Variants in DUOX2 observed in about 807,000 individuals in gnomAD.
The protein encoded by DUOX2 is NADH/NADPH thyroid oxidase p138-tox.
DUOX2 carries 185 observed loss-of-function variants against 183.3 expected under a neutral mutation model. That is an observed-to-expected ratio of 1.01 (90% confidence interval 0.90 to 1.14). The LOEUF is 1.14. DUOX2 is among the 50% of genes most tolerant of loss of function. The probability of loss-of-function intolerance (pLI) is 0.00; values close to 1 mark genes in which losing one functional copy is unlikely to be tolerated. For synonymous variants in DUOX2, 788 were observed against 812.4 expected, an observed-to-expected ratio of 0.97 and a Z score of 0.51; for missense variants, 1,999 against 2,022.9, an observed-to-expected ratio of 0.99 and a Z score of 0.23.
In DUOX2 at chr15:45,095,870, G is replaced by A. The variant is rs1893887080; in HGVS notation, c.4038C>T (p.Ile1346=). ...AGCCATTGCCCTTTGGGGATGAGTAGATCTCCCTGAGGCGAGTGGTCCAGG... is the reference window on the plus strand; with the variant it reads ...AGCCATTGCCCTTTGGGGATGAGTAAATCTCCCTGAGGCGAGTGGTCCAGG... ...VGPWTTRLRE[I]YSSPKGNGCA... The change falls in exon 30 of 34, where the codon ATC becomes ATT. Residue 1346 remains isoleucine (I), a synonymous_variant. Transcript: ENST00000389039. 11 of 1,614,100 alleles carry A rather than the reference G, an allele frequency of 6.8e-6. No individual in the cohort carries two copies. Among genetic ancestry groups the A allele is most frequent in the Non-Finnish European group, 9.3e-6 (11 of 1,179,996 alleles).
Position 45,109,928 on chromosome 15 carries a change from G to C in DUOX2, c.1093C>G (p.Gln365Glu). ...TAGTTGTTGCAGACCCTGAGAGCTT[G>C]GGAGCTTTGAAAACCCTTGTTCAGG... ...KVLNKGFQSS[Q>E]ALRVCNNYWI... Residue 365 changes from glutamine to glutamate, a missense_variant, in exon 10 of 34, where the codon CAA (glutamine) becomes GAA (glutamate). By Grantham distance (29) the Gln-to-Glu change is conservative (BLOSUM62 2). This residue lies in a region of DUOX2 where 1,628 missense variants were observed against 1,608.6 expected (regional missense o/e 1.01). Coordinates refer to ENST00000389039, the MANE Select transcript of DUOX2 (RefSeq NM_001363711.2). 2 of 1,614,118 alleles carry C rather than the reference G, an allele frequency of 1.2e-6. No homozygotes were observed. Among genetic ancestry groups the C allele is most frequent in the Non-Finnish European group, 8.5e-7 (1 of 1,180,030 alleles).
intron 29 of DUOX2, among the ~76,000 whole-genome samples, chr15:45,096,734 A>AT (rs1893910946): frequency 6.6e-6 from 1 of 152,230 alleles, no homozygotes; most frequent in African/African-American, 2.4e-5. Context: ...AATGAGATTA[A>AT]TTTTTTTACA....
At chr15:45,094,902 G>T in intron 32 of DUOX2, 34 bp downstream of exon 32, 1 of 1,612,282 alleles carries the variant, frequency 6.2e-7, no homozygotes, top group Non-Finnish European at 8.5e-7. Flanking sequence ...CCATCTGCCC[G>T]CCAAGTTGCC....
rs377189285 is a variant in DUOX2 at position 45,097,651 on chromosome 15, C to G, written c.3656G>C (p.Trp1219Ser). Residue 1219 changes from tryptophan to serine, a missense_variant, in exon 28 of 34, where the codon TGG becomes TCG. Trp to Ser is a radical substitution (Grantham distance 177). Coordinates refer to ENST00000389039, the MANE Select transcript of DUOX2 (RefSeq NM_001363711.2). ...CAGGATGTAGAGGTGGTGGGTCAGC[C>G]AGAAGCCCCGGAAGCTGCGGCGGCG... ...HFRRRSFRGF[W>S]LTHHLYILLY... 6 of 1,614,118 alleles carry G rather than the reference C, an allele frequency of 3.7e-6. No individual in the cohort carries two copies. In the African/African-American group the frequency reaches 5.3e-5, roughly 14 times the overall value.
rs1295477430 is a variant in DUOX2, at chr15:45,106,655, G to T, written c.1832-14C>A. ...GAAGCAGACTCACTGAAGTGGATCAGAAGGAACAGTGAGGAGGGAGCCCCT... is the reference window on the plus strand; with the variant it reads ...GAAGCAGACTCACTGAAGTGGATCATAAGGAACAGTGAGGAGGGAGCCCCT... On this transcript the variant is annotated splice_polypyrimidine_tract_variant and intron_variant, in intron 15 of 33. Transcript: ENST00000389039. 1 of 1,613,882 alleles carries T rather than the reference G, an allele frequency of 6.2e-7. No homozygotes were observed. Among genetic ancestry groups the T allele is most frequent in the Non-Finnish European group, 8.5e-7 (1 of 1,179,740 alleles).
At chr15:45,107,182 G>A (rs1469293506) in intron 14 of DUOX2, among the ~76,000 whole-genome samples, 163 bp downstream of exon 14, 1 of 152,178 alleles carries the variant, frequency 6.6e-6, no homozygotes, top group East Asian at 1.9e-4. Flanking sequence ...TAGCTTGTGT[G>A]CTAGTTGAGG....
rs139688032 is a variant in DUOX2, at chr15:45,106,637, A to G, written c.1836T>C (p.Ser612=). The change falls in exon 16 of 34, where the codon AGT becomes AGC. Residue 612 remains serine, a synonymous_variant. Coordinates refer to ENST00000389039, the MANE Select transcript of DUOX2 (RefSeq NM_001363711.2). ...IIALCCLPLV[S]LLLSGVVAYF... ...AGGCCACCACTCCAGAGAGAAGCAG[A>G]CTCACTGAAGTGGATCAGAAGGAAC... 211 of 1,613,956 alleles carry G rather than the reference A, an allele frequency of 1.3e-4. No homozygotes were observed. The highest frequency in any genetic ancestry group is 8.8e-4 in the Admixed American group (53 of 59,998).
Position 45,094,566 on chromosome 15 carries a change from T to G in DUOX2, c.4521A>C (p.Pro1507=). The change falls in exon 33 of 34, where the codon CCA becomes CCC. Residue 1507 remains proline, a synonymous_variant. Coordinates refer to ENST00000389039, the MANE Select transcript of DUOX2 (RefSeq NM_001363711.2). ...GGTGGGAGGGAGTGGGACTGACCTG[T>G]GGGTGGACCTCCTGCAGGGAGTTGA... The part of the protein sequence containing the change: ...PFFNSLQEVH[P]QVRKIGVFSC... The G allele has an allele frequency of 1.9e-6, 3 of 1,613,060 alleles. No homozygotes were observed. Among genetic ancestry groups the G allele is most frequent in the Non-Finnish European group, 2.5e-6 (3 of 1,179,672 alleles).
At chr15:45,099,541 G>A (rs1894007429) in intron 25 of DUOX2, 59 bp from the exon 26 acceptor site, 2 of 1,588,372 alleles carry the variant, frequency 1.3e-6, no homozygotes, top group East Asian at 4.5e-5. Context: ...CTCCGATCCT[G>A]AGGGAGAGAG....
rs754214422 is a variant in DUOX2 at position 45,098,061 on chromosome 15, G to T, written c.3516-3C>A. The T allele has an allele frequency of 9.9e-6, 16 of 1,613,788 alleles. No homozygotes were observed. In the Admixed American group the frequency reaches 2.3e-4, roughly 24 times the overall value. ...AGAACTTCTGGGGAAGCTTGGACCTGGGGGGCAAAGGCACCTTGAGCCTCT... is the reference window on the plus strand; with the variant it reads ...AGAACTTCTGGGGAAGCTTGGACCTTGGGGGCAAAGGCACCTTGAGCCTCT... On this transcript the variant is annotated splice_region_variant and splice_polypyrimidine_tract_variant and intron_variant, in intron 26 of 33. Coordinates refer to ENST00000389039, the MANE Select transcript of DUOX2 (RefSeq NM_001363711.2).
Position 45,099,732 on chromosome 15 carries a change from G to C in DUOX2, c.3345C>G (p.Asn1115Lys), listed in dbSNP as rs755622327. ...CTGCGGCATCAAAAGGCACATAGCG[G>C]TTGAGGAAAGTCTCTCGCAGGAAGG... is the stretch of plus-strand genomic sequence containing the variant. The part of the protein sequence containing the change: ...LITFLRETFL[N>K]RYVPFDAAVD... Residue 1115 changes from asparagine to lysine, a missense_variant, in exon 25 of 34, where the codon AAC becomes AAG. By Grantham distance (94) the Asn-to-Lys change is moderately conservative (BLOSUM62 0). Transcript: ENST00000389039. The C allele has an allele frequency of 5.6e-6, 9 of 1,614,208 alleles. No homozygotes were observed. Among genetic ancestry groups the C allele is most frequent in the Non-Finnish European group, 5.1e-6 (6 of 1,180,052 alleles).
In DUOX2 at chr15:45,111,096, G is replaced by A. The variant is rs1894382955; in HGVS notation, c.882+15C>T. 4.1e-6 allele frequency: 4 copies of A among 985,586 alleles called. No individual in the cohort carries two copies. The South Asian group carries it at 6.4e-5, about 16-fold the overall frequency. The allele number at this position is 985,586 out of a possible 1,614,324, so 61.1% of individuals were successfully genotyped here. ...CACGCGGAAGGGAGGACGTCGCGGG[G>A]CGCGGACGGCTGACCTGGTAGGTGG... On this transcript the variant is annotated intron_variant, in intron 7 of 33. Transcript: ENST00000389039.
intron 11 of DUOX2, 50 bp downstream of exon 11, chr15:45,109,474 C>T (rs1171413319): frequency 1.3e-6 from 2 of 1,569,870 alleles, no homozygotes; most frequent in Non-Finnish European, 8.8e-7. Context: ...CAGAGGGATC[C>T]TCAGGCTTCC....
At chr15:45,109,035 C>G in intron 11 of DUOX2, 83 bp from the exon 12 acceptor site, 1 of 1,551,406 alleles carries the variant, frequency 6.4e-7, no homozygotes, top group Non-Finnish European at 8.9e-7. Flanking sequence ...ACTATTGGCA[C>G]TACGGTTCTT....
Position 45,108,843 on chromosome 15 carries a change from A to G in DUOX2, c.1344T>C (p.Phe448=), listed in dbSNP as rs1272214718. 9.9e-6 allele frequency: 16 copies of G among 1,614,154 alleles called. No homozygotes were observed. The highest frequency in any genetic ancestry group is 1.2e-5 in the Non-Finnish European group (14 of 1,180,052). The change falls in exon 12 of 34, where the codon TTT becomes TTC. Residue 448 remains phenylalanine (F), a synonymous_variant. Transcript: ENST00000389039. ...TCCAGTTCCTTGGGATGTCCAGCCCAAAGGCCAGCAGGGCCTGGCTATAGC... is the reference window on the plus strand; with the variant it reads ...TCCAGTTCCTTGGGATGTCCAGCCCGAAGGCCAGCAGGGCCTGGCTATAGC... ...LPSYSQALLA[F]GLDIPRNWSD...
intron 20 of DUOX2, among the ~76,000 whole-genome samples, chr15:45,103,563 C>T (rs976598014): frequency 2.6e-5 from 4 of 152,124 alleles, no homozygotes; most frequent in African/African-American, 4.8e-5. Context: ...TGATGAATAG[C>T]GGAGCAGCAA....
chr15:45,100,267 C>T, intron 23 of DUOX2, 39 bp from the exon 24 acceptor site: 1 of 1,593,504 alleles, frequency 6.3e-7, no homozygotes, highest in South Asian at 1.1e-5. Flanking sequence ...GTGGTAAGGG[C>T]CCTCTGGCCT....
intron 21 of DUOX2, 37 bp downstream of exon 21, chr15:45,101,756 C>A (rs939069784): frequency 1.9e-6 from 3 of 1,613,880 alleles, no homozygotes; most frequent in Non-Finnish European, 2.5e-6. Context: ...AGGACACGCC[C>A]CCCCTCCCTG....
At position 45,111,370 on chromosome 15, in the gene DUOX2, C is replaced by T; in HGVS notation, c.715+14G>A. The T allele has an allele frequency of 7.0e-7, 1 of 1,434,202 alleles. No individual in the cohort carries two copies. The highest frequency in any genetic ancestry group is 2.8e-5 in the Admixed American group (1 of 35,574). 88.8% of individuals were successfully genotyped at this position (1,434,202 alleles called of 1,614,324 possible). ...AGACCCCCAGCCGGCCCCGTCCCGC[C>T]CCTGTGGCCTCACCGTACAGCCCCC... On this transcript the variant is annotated intron_variant, in intron 6 of 33. Coordinates refer to ENST00000389039, the MANE Select transcript of DUOX2 (RefSeq NM_001363711.2).
Sources: allele counts gnomAD v4.1 joint callset (sites outside exome capture counted in the v4.1 genomes callset), GRCh38; gene constraint gnomAD v4.1.1; regional missense constraint gnomAD v4.1.1; transcripts MANE v1.5; gene names NCBI Gene and HGNC (gene_info 2026-07-23, HGNC 2026-07-21).